HTR1F: variants seen among roughly 807,000 people sequenced by gnomAD.
The protein encoded by HTR1F is 5-hydroxytryptamine receptor 1F, also known as 5-hydroxytryptamine (serotonin) receptor 1F, G protein-coupled.
Under a neutral mutation model 24.0 loss-of-function variants are expected in HTR1F, and 17 were observed. That is an observed-to-expected ratio of 0.71 (90% CI 0.48 to 1.06). The LOEUF is 1.06. Among genes scored for constraint, HTR1F ranks in the 50% least tolerant of loss-of-function variants. The pLI is 0.00. For missense variants in HTR1F, 391 were observed against 427.8 expected (o/e 0.91, Z 0.76); for synonymous variants, 186 against 156.8 (o/e 1.19, Z -1.39).
intron 2 of HTR1F, among the ~76,000 whole-genome samples, chr3:87,925,352 G>C (rs1337817876): frequency 6.6e-6 from 1 of 152,074 alleles, no homozygotes; most frequent in African/African-American, 2.4e-5. Context: ...TCAGTTCTTG[G>C]GTTCTAGGGG....
chr3:87,984,253 T>C (rs1171154294), intron 2 of HTR1F, among the ~76,000 whole-genome samples: 1 of 152,244 alleles, frequency 6.6e-6, no homozygotes, highest in Non-Finnish European at 1.5e-5. Flanking sequence ...CTCACCAGTA[T>C]TTCCAGGAAA....
intron 2 of HTR1F, among the ~76,000 whole-genome samples, chr3:87,931,026 C>CTTTTTTTTTTT (rs34617109): frequency 7.6e-6 from 1 of 131,832 alleles, no homozygotes. Flanking sequence ...ATAGTCTTTC[C>CTTTTTTTTTTT]TTTTTTTTTT....
At chr3:87,945,994 G>A (rs1390784426) in intron 2 of HTR1F, among the ~76,000 whole-genome samples, 1 of 152,144 alleles carries the variant, frequency 6.6e-6, no homozygotes, top group African/African-American at 2.4e-5. Flanking sequence ...TACAAGGAAT[G>A]GAACCTTGGG....
At chr3:87,874,070 C>T (rs1289473651) in intron 2 of HTR1F, among the ~76,000 whole-genome samples, 2 of 152,000 alleles carry the variant, frequency 1.3e-5, no homozygotes, top group Admixed American at 6.6e-5. Context: ...AGGAACAAGA[C>T]AAGGAGATGT....
chr3:87,807,934 A>G (rs1326885455), intron 1 of HTR1F, among the ~76,000 whole-genome samples: 2 of 151,876 alleles, frequency 1.3e-5, no homozygotes, highest in Non-Finnish European at 2.9e-5. Flanking sequence ...ATTGATTTGC[A>G]TGCCTTGAAC....
chr3:87,886,781 A>T (rs574073997), intron 2 of HTR1F, among the ~76,000 whole-genome samples: 32 of 152,312 alleles, frequency 2.1e-4, no homozygotes, highest in Middle Eastern at 3.4e-3. Flanking sequence ...AAGGGATGTG[A>T]AGGACCTCTT....
intron 2 of HTR1F, among the ~76,000 whole-genome samples, chr3:87,988,547 G>A (rs1451041415): frequency 1.3e-5 from 2 of 152,060 alleles, no homozygotes; most frequent in Non-Finnish European, 2.9e-5. Context: ...TAGAAAATAC[G>A]CTGCATTTCA....
intron 2 of HTR1F, among the ~76,000 whole-genome samples, chr3:87,852,531 G>C (rs746882552): frequency 6.6e-6 from 1 of 151,434 alleles, no homozygotes; most frequent in Non-Finnish European, 1.5e-5. Flanking sequence ...AATTCTTATT[G>C]CCTGTGTCAT....
At chr3:87,937,750 C>T (rs1057150082) in intron 2 of HTR1F, among the ~76,000 whole-genome samples, 1 of 152,046 alleles carries the variant, frequency 6.6e-6, no homozygotes, top group Non-Finnish European at 1.5e-5. Flanking sequence ...AGTGAAACCC[C>T]GTCTCTACTA....
chr3:87,950,571 AGGG>A (rs1384417243), intron 2 of HTR1F, among the ~76,000 whole-genome samples: 2 of 151,242 alleles, frequency 1.3e-5, no homozygotes, highest in African/African-American at 2.4e-5. Context: ...AAAAAAAAAA[AGGG>A]AGGAGTAAAG....
intron 1 of HTR1F, among the ~76,000 whole-genome samples, chr3:87,816,307 C>T (rs748824372): frequency 2.0e-5 from 3 of 152,020 alleles, no homozygotes; most frequent in Non-Finnish European, 4.4e-5. Flanking sequence ...TAGCAATGCT[C>T]TTCTGACTTT....
chr3:87,900,019 T>A (rs1315889134), intron 2 of HTR1F, among the ~76,000 whole-genome samples: 1 of 152,046 alleles, frequency 6.6e-6, no homozygotes, highest in Non-Finnish European at 1.5e-5. Context: ...TTTATAGTAT[T>A]TTCAATGGGA....
At chr3:87,936,894 C>T (rs1226175665) in intron 2 of HTR1F, among the ~76,000 whole-genome samples, 1 of 151,020 alleles carries the variant, frequency 6.6e-6, no homozygotes, top group South Asian at 2.1e-4. Flanking sequence ...AAAGAAATTC[C>T]TAGACTCTAC....
chr3:87,973,520 G>A (rs1363997654), intron 2 of HTR1F, among the ~76,000 whole-genome samples: 1 of 152,004 alleles, frequency 6.6e-6, no homozygotes, highest in African/African-American at 2.4e-5. Flanking sequence ...TGCTATAACC[G>A]TCTATGCATA....
At chr3:87,941,519 G>A (rs551954319) in intron 2 of HTR1F, among the ~76,000 whole-genome samples, 22 of 152,208 alleles carry the variant, frequency 1.4e-4, no homozygotes, top group Admixed American at 7.2e-4. Flanking sequence ...CTGAACAGGC[G>A]GCTAAAAGTA....
intron 2 of HTR1F, among the ~76,000 whole-genome samples, chr3:87,890,163 T>A (rs1575993125): frequency 6.6e-6 from 1 of 152,342 alleles, no homozygotes; most frequent in African/African-American, 2.4e-5. Flanking sequence ...ACAAGCTGCA[T>A]GTCATTGATG....
intron 1 of HTR1F, among the ~76,000 whole-genome samples, chr3:87,817,783 T>G (rs1457435086): frequency 7.2e-5 from 11 of 152,206 alleles, no homozygotes; most frequent in Admixed American, 7.2e-4. Flanking sequence ...ACTACTGAGA[T>G]GATGTAACTG....
intron 2 of HTR1F, among the ~76,000 whole-genome samples, chr3:87,945,602 C>G (rs1191712050): frequency 6.6e-6 from 1 of 152,054 alleles, no homozygotes; most frequent in Non-Finnish European, 1.5e-5. Context: ...CATCGGCTTC[C>G]CCAAGAAAAT....
At chr3:87,862,198 C>G (rs972679791) in intron 2 of HTR1F, among the ~76,000 whole-genome samples, 15 of 152,108 alleles carry the variant, frequency 9.9e-5, no homozygotes, top group Non-Finnish European at 1.6e-4. Context: ...TACTGGTTTT[C>G]ATTTACCTGA....
Sources: gnomAD v4.1 joint callset for allele counts (sites outside exome capture counted in the v4.1 genomes callset) on GRCh38, gnomAD v4.1.1 for gene constraint, MANE v1.5 for transcripts, NCBI Gene and HGNC (gene_info 2026-07-23, HGNC 2026-07-21) for gene names.